The following FNTB variants were observed in gnomAD, a reference collection of about 807,000 sequenced individuals.
FNTB encodes the protein farnesyltransferase, CAAX box, subunit beta, also known as protein farnesyltransferase subunit beta.
Under a neutral mutation model 59.4 loss-of-function variants are expected in FNTB, and 27 were observed. The ratio of observed to expected loss-of-function variants is 0.45; its 90% CI spans 0.34 to 0.63. The LOEUF (loss-of-function observed/expected upper bound fraction) is 0.63, where lower values mean the gene tolerates loss of function less well. Ranked by LOEUF, FNTB falls within the 20% of genes least tolerant of loss-of-function variation. The pLI, the probability that FNTB is intolerant of heterozygous loss-of-function variation, is 0.02. For synonymous variants in FNTB, 230 were observed against 220.7 expected, an observed-to-expected ratio of 1.04 and a Z score of -0.37; for missense variants, 449 against 559.6, an observed-to-expected ratio of 0.80 and a Z score of 1.99.
rs960279734 is a variant in FNTB, at chr14:64,987,202, C to T, written c.144+105C>T. ...CGGAACTCACCGGGGAACTACGACTCCCACAGCGCACCGCGGTGCCTTTCC... is the reference window on the plus strand; with the variant it reads ...CGGAACTCACCGGGGAACTACGACTTCCACAGCGCACCGCGGTGCCTTTCC... On this transcript the variant is annotated intron_variant, in intron 1 of 11. Coordinates refer to ENST00000246166, the MANE Select transcript of FNTB (RefSeq NM_002028.4). 1.4e-5 allele frequency: 19 copies of T among 1,344,130 alleles called. No homozygotes were observed. The East Asian group carries it at 2.9e-4, about 21-fold the overall frequency. The allele number at this position is 1,344,130 out of a possible 1,614,324, so 83.3% of individuals were successfully genotyped here.
At chr14:65,025,765 G>A (rs554888680) in intron 4 of FNTB, among the ~76,000 whole-genome samples, 5 of 152,304 alleles carry the variant, frequency 3.3e-5, no homozygotes, top group East Asian at 1.9e-4. Flanking sequence ...GCAGTGAGCC[G>A]TGATTATGCC....
chr14:65,003,099 G>C (rs2061538678), intron 1 of FNTB, among the ~76,000 whole-genome samples: 1 of 152,120 alleles, frequency 6.6e-6, no homozygotes, highest in Non-Finnish European at 1.5e-5. Context: ...TCAACCATGT[G>C]GGGCGGTTTT....
In FNTB at chr14:65,054,486, TG is replaced by T; in HGVS notation, c.1068-88del. 7.6e-7 allele frequency: 1 copy of T among 1,312,082 alleles called. No individual in the cohort carries two copies. 81.3% of individuals were successfully genotyped at this position (1,312,082 alleles called of 1,614,324 possible). A position where few individuals can be genotyped will look rare whatever the true frequency, so the allele number is the denominator to read the frequency against. ...TGGAGGATGGGGGGGGACGTGTGAT[TG>T]CACCAGTGGTCTCTGAATTGGTGTG... On this transcript the variant is annotated intron_variant, in intron 10 of 11. Transcript: ENST00000246166. The surrounding 1 kb of genome is among the most constrained non-coding windows in gnomAD (Gnocchi z 4.4).
At chr14:65,020,548 C>G (rs977269753) in intron 4 of FNTB, among the ~76,000 whole-genome samples, 2 of 151,976 alleles carry the variant, frequency 1.3e-5, no homozygotes, top group East Asian at 3.9e-4. Context: ...GCCTCGGCCT[C>G]CCGAGTAGCT....
At chr14:65,036,432 T>C (rs2062194993) in intron 7 of FNTB, among the ~76,000 whole-genome samples, 1 of 151,778 alleles carries the variant, frequency 6.6e-6, no homozygotes, top group Admixed American at 6.6e-5. Flanking sequence ...AGACGGGGTT[T>C]TCCCATGTTG....
chr14:64,987,147 G>T (rs780651873), intron 1 of FNTB, 50 bp downstream of exon 1: 7 of 1,605,900 alleles, frequency 4.4e-6, no homozygotes, highest in Non-Finnish European at 6.0e-6. Context: ...TTCTGGGAGC[G>T]CGAGTCCCGT....
At chr14:65,042,023 G>T (rs1407012924) in intron 8 of FNTB, among the ~76,000 whole-genome samples, 2 of 152,072 alleles carry the variant, frequency 1.3e-5, no homozygotes, top group African/African-American at 4.8e-5. Flanking sequence ...ATAAGGTAGG[G>T]ATAACAATCC....
At chr14:65,041,515 G>A (rs1436003393) in intron 8 of FNTB, among the ~76,000 whole-genome samples, 1 of 152,154 alleles carries the variant, frequency 6.6e-6, no homozygotes, top group Non-Finnish European at 1.5e-5. Context: ...GGCCACCAGG[G>A]AGAAGGCATT....
rs1275851627 is a variant in FNTB, at chr14:65,029,022, T to TC, written c.605+1244dup. Reference sequence around the variant, plus strand: ...CTTATTCATTCCAGCACTTTTTTTTTCCCTATGCTCTTTATTTATATGTTC... The same window carrying TC: ...CTTATTCATTCCAGCACTTTTTTTTTCCCCTATGCTCTTTATTTATATGTTC... On this transcript the variant is annotated intron_variant, in intron 6 of 11. Transcript: ENST00000246166. The surrounding 1 kb of genome is among the most constrained non-coding windows in gnomAD (Gnocchi z 4.7). Among the ~76,000 whole-genome samples the TC allele has an allele frequency of 6.6e-6, 1 of 152,222 alleles. No homozygotes were observed. The highest frequency in any genetic ancestry group is 1.9e-4 in the East Asian group (1 of 5,196).
At chr14:65,025,626 G>A (rs2061966072) in intron 4 of FNTB, among the ~76,000 whole-genome samples, 1 of 152,020 alleles carries the variant, frequency 6.6e-6, no homozygotes, top group South Asian at 2.1e-4. Flanking sequence ...ACTAGCCTGG[G>A]CAACATGGCG....
rs763250558 is a variant in FNTB at position 64,986,933 on chromosome 14, C to G, written c.-21C>G. 5 of 1,613,602 alleles carry G rather than the reference C, an allele frequency of 3.1e-6. No homozygotes were observed. The East Asian group carries it at 8.9e-5, about 29-fold the overall frequency. On this transcript the variant is annotated 5_prime_UTR_variant, in exon 1 of 12. Transcript: ENST00000246166. ...GCTTAACGAAGCAGAGTCCTACACA[C>G]TGTCTGCTGCTCTCCTGATCATGGC... is the stretch of plus-strand genomic sequence containing the variant.
chr14:65,058,124 T>C (rs1223949520), intron 11 of FNTB, among the ~76,000 whole-genome samples: 1 of 151,944 alleles, frequency 6.6e-6, no homozygotes, highest in Non-Finnish European at 1.5e-5. Flanking sequence ...TTTTTTTTTC[T>C]TCCTGTCTTC....
At chr14:65,039,680 G>C (rs968518159) in intron 7 of FNTB, among the ~76,000 whole-genome samples, 1 of 152,140 alleles carries the variant, frequency 6.6e-6, no homozygotes, top group Non-Finnish European at 1.5e-5. Context: ...TTTTGTGTCA[G>C]TATAAAGGAA....
intron 11 of FNTB, among the ~76,000 whole-genome samples, chr14:65,055,906 T>A (rs763212512): frequency 1.3e-5 from 2 of 152,188 alleles, no homozygotes; most frequent in Non-Finnish European, 2.9e-5. Flanking sequence ...AACCTCATTC[T>A]TAATCAGAAA....
intron 4 of FNTB, among the ~76,000 whole-genome samples, chr14:65,022,418 T>C (rs2061906597): frequency 6.6e-6 from 1 of 152,206 alleles, no homozygotes; most frequent in Admixed American, 6.5e-5. Context: ...TACTTCTTGC[T>C]ACAAATTAGT....
chr14:64,989,073 T>C (rs957182750), intron 1 of FNTB, among the ~76,000 whole-genome samples: 2 of 151,516 alleles, frequency 1.3e-5, no homozygotes, highest in African/African-American at 4.9e-5. Flanking sequence ...TTAGGAGGAG[T>C]TGTTTACAGA....
At chr14:64,996,135 A>AAG (rs1888385603) in intron 1 of FNTB, among the ~76,000 whole-genome samples, 1 of 150,760 alleles carries the variant, frequency 6.6e-6, no homozygotes, top group Non-Finnish European at 1.5e-5. Context: ...AAAAAAAAAA[A>AAG]AAAAAGAAAA....
intron 8 of FNTB, 125 bp downstream of exon 8, chr14:65,041,044 C>A: frequency 6.9e-7 from 1 of 1,443,370 alleles, no homozygotes; most frequent in East Asian, 2.4e-5. Context: ...TCTGTTCCAA[C>A]ACAGAGGAAG....
rs545008775 is a variant in FNTB, at chr14:65,027,370, A to G, written c.375-83A>G. 1.9e-6 allele frequency: 3 copies of G among 1,568,068 alleles called. No individual in the cohort carries two copies. In the African/African-American group the frequency reaches 4.1e-5, roughly 21 times the overall value. ...TTTTGAGGGAGTGGGGGATCATTGG[A>G]AAGGCCTGGAATCTAGTGGGAATTT... is the stretch of plus-strand genomic sequence containing the variant. On this transcript the variant is annotated intron_variant, in intron 4 of 11. Transcript: ENST00000246166. The surrounding 1 kb of genome is among the most constrained non-coding windows in gnomAD (Gnocchi z 5.7).
Sources: gnomAD v4.1 joint callset for allele counts (sites outside exome capture counted in the v4.1 genomes callset) on GRCh38, gnomAD v4.1.1 for gene constraint, Gnocchi (gnomAD v3.1) non-coding constraint, MANE v1.5 for transcripts, NCBI Gene and HGNC (gene_info 2026-07-23, HGNC 2026-07-21) for gene names.